The following ADPGK variants were observed in gnomAD, a reference collection of about 807,000 sequenced individuals.
ADPGK encodes ADP-dependent glucokinase.
In ADPGK, 26 loss-of-function variants were observed where a neutral mutation model predicts 42.4. The ratio of observed to expected loss-of-function variants is 0.61; its 90% CI spans 0.45 to 0.85. ADPGK has a LOEUF of 0.85. ADPGK is among the 40% of genes least tolerant of loss of function. The pLI is 0.00. For missense variants in ADPGK, 571 were observed against 627.0 expected, an observed-to-expected ratio of 0.91 and a Z score of 0.95; for synonymous variants, 267 against 252.6, an observed-to-expected ratio of 1.06 and a Z score of -0.54.
intron 3 of ADPGK, among the ~76,000 whole-genome samples, chr15:72,768,023 C>T (rs549083077): frequency 1.3e-5 from 2 of 152,018 alleles, no homozygotes; most frequent in South Asian, 4.1e-4. Flanking sequence ...TTATAAACCT[C>T]TAGCCAAGCT....
intron 3 of ADPGK, among the ~76,000 whole-genome samples, chr15:72,768,266 T>C (rs2066283286): frequency 3.3e-5 from 5 of 151,964 alleles, no homozygotes; most frequent in Admixed American, 1.3e-4. Context: ...AAATCAGTTA[T>C]TTAAAATCTT....
intron 3 of ADPGK, among the ~76,000 whole-genome samples, chr15:72,771,183 T>C (rs1402697575): frequency 1.3e-5 from 2 of 152,214 alleles, no homozygotes; most frequent in Non-Finnish European, 2.9e-5. Flanking sequence ...AACTTCTTAC[T>C]CAGGTGTTAC....
intron 1 of ADPGK, among the ~76,000 whole-genome samples, chr15:72,778,446 A>G (rs955658566): frequency 1.3e-5 from 2 of 152,190 alleles, no homozygotes; most frequent in Non-Finnish European, 2.9e-5. Flanking sequence ...AGACACAGTT[A>G]AAGAATCAGA....
chr15:72,777,846 C>T (rs2066408413), intron 1 of ADPGK, among the ~76,000 whole-genome samples: 1 of 152,112 alleles, frequency 6.6e-6, no homozygotes, highest in Non-Finnish European at 1.5e-5. Context: ...TACAAAATAT[C>T]ACTATCATGG....
intron 2 of ADPGK, among the ~76,000 whole-genome samples, chr15:72,772,997 C>T (rs754060956): frequency 1.3e-5 from 2 of 152,246 alleles, no homozygotes; most frequent in African/African-American, 4.8e-5. Context: ...CCTCAGCCCA[C>T]GCAGAGGCAT....
intron 1 of ADPGK, among the ~76,000 whole-genome samples, chr15:72,776,682 C>T (rs1177732370): frequency 6.6e-6 from 1 of 152,128 alleles, no homozygotes; most frequent in African/African-American, 2.4e-5. Flanking sequence ...ATATTATTTA[C>T]ATCACTTAAG....
rs1305221700 is a variant in ADPGK, at chr15:72,779,189, T to G, written c.234-4092A>C. The stretch of plus-strand genomic sequence containing the variant: ...TCATACAGGGGAGAAGACCAAGATA[T>G]GTTTCAAGGTTCAGGGTGAAGCCAG... On this transcript the variant is annotated intron_variant, in intron 1 of 6. Transcript: ENST00000456471. 2.0e-5 allele frequency among the ~76,000 whole-genome samples: 3 copies of G among 151,916 alleles called. No individual in the cohort carries two copies. The South Asian group carries it at 6.2e-4, about 32-fold the overall frequency.
chr15:72,767,474 A>G (rs2066275416), intron 3 of ADPGK, among the ~76,000 whole-genome samples: 1 of 152,144 alleles, frequency 6.6e-6, no homozygotes, highest in African/African-American at 2.4e-5. Flanking sequence ...ACTCGACCCA[A>G]CAACAGAAAG....
chr15:72,753,881 C>G (rs2066078035), intron 6 of ADPGK, among the ~76,000 whole-genome samples: 1 of 151,972 alleles, frequency 6.6e-6, no homozygotes, highest in Non-Finnish European at 1.5e-5. Flanking sequence ...CTGAAAAACA[C>G]CAAGAGTGAA....
intron 3 of ADPGK, among the ~76,000 whole-genome samples, chr15:72,762,171 A>T (rs141042456): frequency 0.012 from 1,754 of 151,826 alleles, 29 homozygotes; most frequent in African/African-American, 0.039. Flanking sequence ...CGCCTGGCCT[A>T]ATTTTTTATT....
intron 3 of ADPGK, among the ~76,000 whole-genome samples, chr15:72,763,055 C>T (rs958925324): frequency 6.6e-5 from 10 of 152,128 alleles, no homozygotes; most frequent in African/African-American, 1.7e-4. Context: ...TCCAGGTATA[C>T]GGAACCTGAA....
chr15:72,756,445 C>T lies in ADPGK; in HGVS notation c.646G>A (p.Glu216Lys). The T allele has an allele frequency of 6.2e-7, 1 of 1,614,092 alleles. No individual in the cohort carries two copies. Among genetic ancestry groups the T allele is most frequent in the Middle Eastern group, 1.6e-4 (1 of 6,062 alleles). Residue 216 changes from glutamate (E) to lysine (K), a missense_variant and splice_region_variant, in exon 5 of 7, where the codon GAG becomes AAG. By Grantham distance (56) the Glu-to-Lys change is moderately conservative (BLOSUM62 1). This residue lies in a region of ADPGK where 434 missense variants were observed against 522.7 expected (regional missense o/e 0.83). Transcript: ENST00000456471. ...GGAGCTTTTAACTGGCCCCACTCCT[C>T]CCCTGGAAAAACCCAGTCAACACAA... ...FHLILEYQAG[E>K]EWGQLKAPHA...
intron 4 of ADPGK, among the ~76,000 whole-genome samples, chr15:72,759,754 C>T (rs1195290574): frequency 6.6e-6 from 1 of 152,178 alleles, no homozygotes; most frequent in Non-Finnish European, 1.5e-5. Flanking sequence ...GCAGGAAATA[C>T]ACAGGATCAA....
chr15:72,759,567 A>T (rs892562813), intron 4 of ADPGK, among the ~76,000 whole-genome samples: 3 of 152,208 alleles, frequency 2.0e-5, no homozygotes, highest in African/African-American at 7.2e-5. Context: ...TGTTAAAGTT[A>T]ATTACTCTAG....
At chr15:72,754,458 A>C (rs1595786934) in intron 6 of ADPGK, among the ~76,000 whole-genome samples, 1 of 152,236 alleles carries the variant, frequency 6.6e-6, no homozygotes, top group Non-Finnish European at 1.5e-5. Flanking sequence ...GTAAACTGGT[A>C]TAATTCTTAT....
At chr15:72,760,057 C>T (rs2066172603) in intron 4 of ADPGK, among the ~76,000 whole-genome samples, 1 of 152,188 alleles carries the variant, frequency 6.6e-6, no homozygotes, top group Non-Finnish European at 1.5e-5. Context: ...TGAATGGATG[C>T]TACCTGCCTT....
At position 72,752,632 on chromosome 15, in the gene ADPGK, T is replaced by G. The variant is rs373831948; in HGVS notation, c.1203A>C (p.Ala401=). 2 of 1,614,232 alleles carry G rather than the reference T, an allele frequency of 1.2e-6. No homozygotes were observed. The highest frequency in any genetic ancestry group is 8.5e-7 in the Non-Finnish European group (1 of 1,180,030). Reference sequence around the variant, plus strand: ...CCACACGAGCTCCTGCAGCCACGGCTGCCAGCTGGTTGGCCCAGTGTCCAT... The same window carrying G: ...CCACACGAGCTCCTGCAGCCACGGCGGCCAGCTGGTTGGCCCAGTGTCCAT... ...TVDGHWANQL[A]AVAAGARVAG... is the part of the protein sequence containing the mutation. The change falls in exon 7 of 7, where the codon GCA becomes GCC. Residue 401 remains alanine (A), a synonymous_variant. Coordinates refer to ENST00000456471, the MANE Select transcript of ADPGK (RefSeq NM_001365225.1).
intron 6 of ADPGK, among the ~76,000 whole-genome samples, chr15:72,754,105 AAAAAC>A: frequency 6.6e-6 from 1 of 152,100 alleles, no homozygotes; most frequent in South Asian, 2.1e-4. Flanking sequence ...CAAAAAAAAA[AAAAAC>A]AAAACCAACG....
rs377180129 is a variant in ADPGK at position 72,760,492 on chromosome 15, A to C, written c.558T>G (p.His186Gln). Reference sequence around the variant, plus strand: ...CAAAGACATTGTCATCAAGAAGCTCATGTAGCTTTGGACCAACTGGACCGC... The same window carrying C: ...CAAAGACATTGTCATCAAGAAGCTCCTGTAGCTTTGGACCAACTGGACCGC... Reference protein sequence around the residue: ...LLCGPVGPKLHELLDDNVFVP... With the variant: ...LLCGPVGPKLQELLDDNVFVP... Residue 186 changes from histidine (H) to glutamine (Q), a missense_variant, in exon 4 of 7, where the codon CAT becomes CAG. By Grantham distance (24) the His-to-Gln change is conservative (BLOSUM62 0). Transcript: ENST00000456471. 284 of 1,609,712 alleles carry C rather than the reference A, an allele frequency of 1.8e-4. No individual in the cohort carries two copies. The highest frequency in any genetic ancestry group is 2.4e-4 in the Non-Finnish European group (281 of 1,176,540).
Sources: gnomAD v4.1 joint callset for allele counts (sites outside exome capture counted in the v4.1 genomes callset) on GRCh38, gnomAD v4.1.1 for gene constraint, gnomAD v4.1.1 regional missense constraint, MANE v1.5 for transcripts, NCBI Gene and HGNC (gene_info 2026-07-23, HGNC 2026-07-21) for gene names.